The following ANKS1B variants were observed in gnomAD, a reference collection of about 807,000 sequenced individuals.
ANKS1B encodes ankyrin repeat and sterile alpha motif domain-containing protein 1B.
ANKS1B carries 36 observed loss-of-function variants against 148.3 expected under a neutral mutation model. The ratio of observed to expected loss-of-function variants is 0.24; its 90% confidence interval spans 0.19 to 0.32. The LOEUF is 0.32. Ranked by LOEUF, ANKS1B falls within the 10% of genes least tolerant of loss-of-function variation. ANKS1B has a pLI of 1.00. For synonymous variants in ANKS1B, 542 were observed against 560.8 expected, an observed-to-expected ratio of 0.97 and a Z score of 0.47; for missense variants, 1,157 against 1,542.6, an observed-to-expected ratio of 0.75 and a Z score of 4.19.
At chr12:99,945,353 G>GAAAAAAAAA (rs11289819) in intron 1 of ANKS1B, among the ~76,000 whole-genome samples, 2 of 130,696 alleles carry the variant, frequency 1.5e-5, no homozygotes, top group African/African-American at 2.7e-5. Flanking sequence ...TGTAAAACCA[G>GAAAAAAAAA]AAAAAAAAAA....
At chr12:99,290,564 G>A (rs114036376) in intron 12 of ANKS1B, among the ~76,000 whole-genome samples, 2,135 of 151,908 alleles carry the variant, frequency 0.014, 55 homozygotes, top group African/African-American at 0.049. Flanking sequence ...CATTAAAAAG[G>A]TCATTAATCA....
chr12:99,406,201 G>A (rs2094528017), intron 11 of ANKS1B, among the ~76,000 whole-genome samples: 1 of 144,980 alleles, frequency 6.9e-6, no homozygotes, highest in African/African-American at 2.6e-5. Flanking sequence ...ACATTTCAAT[G>A]AACAGTTACA....
intron 17 of ANKS1B, among the ~76,000 whole-genome samples, chr12:98,884,492 G>A (rs945372047): frequency 1.3e-5 from 2 of 152,148 alleles, no homozygotes; most frequent in Non-Finnish European, 2.9e-5. Flanking sequence ...ATCTAGGCAC[G>A]TGGCTTTAGA....
At chr12:98,895,654 C>G (rs768206987) in intron 17 of ANKS1B, among the ~76,000 whole-genome samples, 4 of 152,190 alleles carry the variant, frequency 2.6e-5, no homozygotes, top group Non-Finnish European at 5.9e-5. Flanking sequence ...TATGATCGGC[C>G]TCCAGTAGAC....
chr12:98,954,934 C>G (rs1397207605), intron 17 of ANKS1B, among the ~76,000 whole-genome samples: 9 of 146,190 alleles, frequency 6.2e-5, no homozygotes, highest in Non-Finnish European at 1.5e-5. Context: ...CTCCCTCCTG[C>G]CCACCCTCCA....
At position 99,255,302 on chromosome 12, in the gene ANKS1B, T is replaced by A. The variant is rs117805903; in HGVS notation, c.1757-8438A>T. ...AAATTATTCATTCTTCTTTCTTAACTTTGAATGGTTTTTTGTATCTGTAGA... is the reference window on the plus strand; with the variant it reads ...AAATTATTCATTCTTCTTTCTTAACATTGAATGGTTTTTTGTATCTGTAGA... On this transcript the variant is annotated intron_variant, in intron 12 of 26. Transcript: ENST00000683438. Among the ~76,000 whole-genome samples the A allele has an allele frequency of 6.3e-4, 96 of 152,232 alleles. 1 individual carries two copies. In the East Asian group the frequency reaches 0.015, roughly 23 times the overall value.
Position 99,954,455 on chromosome 12 carries a change from T to C in ANKS1B, c.134+29649A>G, listed in dbSNP as rs2095282159. On this transcript the variant is annotated intron_variant, in intron 1 of 26. Coordinates refer to ENST00000683438, the MANE Select transcript of ANKS1B (RefSeq NM_001352186.2). Reference sequence around the variant, plus strand: ...TCTAAAATAGTTGCATTTCCATGCATAGTAGTTCACATTTGCAAATACAAA... The same window carrying C: ...TCTAAAATAGTTGCATTTCCATGCACAGTAGTTCACATTTGCAAATACAAA... Among the ~76,000 whole-genome samples the C allele has an allele frequency of 2.0e-5, 3 of 152,348 alleles. No homozygotes were observed. In the South Asian group the frequency reaches 6.2e-4, roughly 32 times the overall value.
intron 17 of ANKS1B, among the ~76,000 whole-genome samples, chr12:98,890,226 G>T (rs1053494518): frequency 1.3e-5 from 2 of 152,122 alleles, no homozygotes; most frequent in African/African-American, 4.8e-5. Context: ...AATTTGGTTT[G>T]GAGTGAGTTT....
intron 10 of ANKS1B, among the ~76,000 whole-genome samples, chr12:99,481,803 T>C (rs2096414829): frequency 1.3e-5 from 2 of 152,070 alleles, no homozygotes; most frequent in Admixed American, 1.3e-4. Flanking sequence ...ATATGTTTAT[T>C]AGCTATTTGT....
At chr12:99,543,772 G>T (rs372347594) in intron 9 of ANKS1B, among the ~76,000 whole-genome samples, 1 of 152,024 alleles carries the variant, frequency 6.6e-6, no homozygotes, top group Non-Finnish European at 1.5e-5. Flanking sequence ...CATATTACAC[G>T]ATTTCATTTA....
intron 8 of ANKS1B, among the ~76,000 whole-genome samples, chr12:99,766,191 C>T (rs1290436345): frequency 1.3e-5 from 2 of 152,242 alleles, no homozygotes; most frequent in South Asian, 4.1e-4. Flanking sequence ...AATGAACTTT[C>T]ACTGAGAGAC....
At chr12:99,486,606 C>A (rs1231029218) in intron 10 of ANKS1B, among the ~76,000 whole-genome samples, 2 of 152,046 alleles carry the variant, frequency 1.3e-5, no homozygotes, top group African/African-American at 4.8e-5. Context: ...AAATGCAATA[C>A]CCAATGGTGG....
rs376398944 is a variant in ANKS1B, at chr12:99,735,807, C to CAAAA, written c.1128+37111_1128+37114dup. Among the ~76,000 whole-genome samples, 74 of 108,922 alleles carry CAAAA rather than the reference C, an allele frequency of 6.8e-4. 1 individual carries two copies. The highest frequency in any genetic ancestry group is 2.5e-3 in the African/African-American group (72 of 28,858). The allele number at this position is 108,922 out of a possible 152,430, so 71.5% of individuals were successfully genotyped here. On this transcript the variant is annotated intron_variant, in intron 8 of 26. Transcript: ENST00000683438. ...ACTAAAGCCAGACAAGGACATATAC[C>CAAAA]AAAAAAAAAAAAAAAAAGAATATCC... is the stretch of plus-strand genomic sequence containing the variant.
intron 17 of ANKS1B, chr12:98,931,542 C>A (rs1038814983): frequency 6.6e-6 from 1 of 152,108 alleles, no homozygotes; most frequent in Non-Finnish European, 1.5e-5. Context: ...CAAAGGTAGG[C>A]TAACTATTTA....
chr12:99,967,603 G>C (rs560028407), intron 1 of ANKS1B, among the ~76,000 whole-genome samples: 2 of 151,532 alleles, frequency 1.3e-5, no homozygotes, highest in Admixed American at 6.6e-5. Context: ...CTTTCACTAT[G>C]TAATTTACTA....
chr12:99,125,446 T>C (rs1057159217), intron 15 of ANKS1B, among the ~76,000 whole-genome samples: 4 of 152,204 alleles, frequency 2.6e-5, no homozygotes, highest in Admixed American at 1.3e-4. Context: ...TTTTCTGGGA[T>C]CTTTTCATTA....
intron 17 of ANKS1B, among the ~76,000 whole-genome samples, chr12:98,888,847 A>T (rs1217956274): frequency 6.6e-6 from 1 of 152,108 alleles, no homozygotes; most frequent in South Asian, 2.1e-4. Context: ...GATCTTCTCC[A>T]TTTATTTATT....
At chr12:99,498,121 T>C (rs918993379) in intron 10 of ANKS1B, among the ~76,000 whole-genome samples, 1 of 152,192 alleles carries the variant, frequency 6.6e-6, no homozygotes, top group Admixed American at 6.5e-5. Context: ...ATTGTCTTTG[T>C]TCTGGCCACT....
rs2093084783 is a variant in ANKS1B, at chr12:99,370,769, T to C, written c.1756+28862A>G. 2.0e-5 allele frequency among the ~76,000 whole-genome samples: 3 copies of C among 152,182 alleles called. No homozygotes were observed. In the South Asian group the frequency reaches 6.2e-4, roughly 31 times the overall value. ...CATGGTCTCATAAAATTTTACTGCC[T>C]TTTAAAAATGACCATAATTTATCAG... is the stretch of plus-strand genomic sequence containing the variant. On this transcript the variant is annotated intron_variant, in intron 12 of 26. Coordinates refer to ENST00000683438, the MANE Select transcript of ANKS1B (RefSeq NM_001352186.2).
Sources: allele counts gnomAD v4.1 joint callset (sites outside exome capture counted in the v4.1 genomes callset), GRCh38; gene constraint gnomAD v4.1.1; transcripts MANE v1.5; gene names NCBI Gene and HGNC (gene_info 2026-07-23, HGNC 2026-07-21).